Variants in CRYBG1 observed in about 807,000 individuals in gnomAD.
CRYBG1 encodes beta/gamma crystallin domain-containing protein 1.
CRYBG1 carries 139 observed loss-of-function variants against 189.2 expected under a neutral mutation model. That is an observed-to-expected ratio of 0.73 (90% CI 0.64 to 0.85). The LOEUF (loss-of-function observed/expected upper bound fraction) is 0.85. Among genes scored for constraint, CRYBG1 ranks in the 40% least tolerant of loss-of-function variants. The pLI is 0.00. For missense variants in CRYBG1, 2,611 were observed against 2,675.8 expected (o/e 0.98, Z 0.53); for synonymous variants, 1,023 against 1,017.1 (o/e 1.01, Z -0.11).
intron 3 of CRYBG1, among the ~76,000 whole-genome samples, chr6:106,517,931 G>A (rs980303714): frequency 2.6e-5 from 4 of 152,108 alleles, no homozygotes; most frequent in East Asian, 1.9e-4. Flanking sequence ...GAAATGTGAC[G>A]GAGAGAGGGG....
intron 21 of CRYBG1, among the ~76,000 whole-genome samples, chr6:106,565,755 T>G (rs187146853): frequency 4.7e-4 from 72 of 152,294 alleles, no homozygotes; most frequent in African/African-American, 1.7e-3. Context: ...GTACAACAGA[T>G]TTGTCAATAT....
In CRYBG1 at chr6:106,521,082, C is replaced by T. The variant is rs949074343; in HGVS notation, c.3874C>T (p.Pro1292Ser). ...GTCACAGCCCACGACTGAGGGTGCC[C>T]CGCCCTGTGGTTTGAACAAAGAACA... ...SVSQPTTEGAPPCGLNKEQSN... is the reference protein window; with the variant it reads ...SVSQPTTEGASPCGLNKEQSN... Residue 1292 changes from proline (P) to serine (S), a missense_variant, in exon 4 of 22, where the codon CCG (proline) becomes TCG (serine). Transcript: ENST00000633556. The T allele has an allele frequency of 1.2e-6, 2 of 1,614,064 alleles. No homozygotes were observed. Among genetic ancestry groups the T allele is most frequent in the African/African-American group, 2.7e-5 (2 of 74,916 alleles).
At chr6:106,449,863 A>G (rs796939921) in intron 1 of CRYBG1, among the ~76,000 whole-genome samples, 11 of 152,338 alleles carry the variant, frequency 7.2e-5, no homozygotes, top group African/African-American at 2.6e-4. Context: ...GAAAAACAAA[A>G]AGAAATATAT....
intron 2 of CRYBG1, among the ~76,000 whole-genome samples, chr6:106,509,673 C>T (rs1050716858): frequency 2.6e-5 from 4 of 151,890 alleles, no homozygotes; most frequent in African/African-American, 9.7e-5. Flanking sequence ...TAGTCTGTTC[C>T]TCTGGGCCGA....
intron 21 of CRYBG1, among the ~76,000 whole-genome samples, chr6:106,567,306 T>A (rs1340828072): frequency 6.6e-6 from 1 of 152,144 alleles, no homozygotes; most frequent in African/African-American, 2.4e-5. Flanking sequence ...AACTTACACA[T>A]AAAGGCCCAA....
chr6:106,414,183 G>A (rs1770980454), intron 1 of CRYBG1, among the ~76,000 whole-genome samples: 1 of 152,230 alleles, frequency 6.6e-6, no homozygotes, highest in African/African-American at 2.4e-5. Context: ...CTTTGAAAGA[G>A]TGAAAAATTA....
intron 1 of CRYBG1, among the ~76,000 whole-genome samples, chr6:106,364,354 A>G (rs1489246105): frequency 6.6e-6 from 1 of 151,978 alleles, no homozygotes; most frequent in African/African-American, 2.4e-5. Context: ...AAGAAAGAAA[A>G]GCTTGCCAGT....
chr6:106,517,344 AC>A, intron 3 of CRYBG1, among the ~76,000 whole-genome samples: 1 of 85,486 alleles, frequency 1.2e-5, no homozygotes. Flanking sequence ...ATATATATAC[AC>A]ACACATATAT....
intron 1 of CRYBG1, among the ~76,000 whole-genome samples, chr6:106,397,054 A>T (rs1770627274): frequency 6.6e-6 from 1 of 152,256 alleles, no homozygotes; most frequent in Non-Finnish European, 1.5e-5. Context: ...TGACAATTAC[A>T]TGAAGTCATA....
rs565658964 is a variant in CRYBG1, at chr6:106,412,943, TAA to T, written c.174-38732_174-38731del. On this transcript the variant is annotated intron_variant, in intron 1 of 21. Transcript: ENST00000633556. ...GTACAGAAATCCAAGACAAATTCTT[TAA>T]AAAAAAAAAAAAAAAAAAGAGCTTT... Among the ~76,000 whole-genome samples, 909 of 118,798 alleles carry T rather than the reference TAA, an allele frequency of 7.7e-3. 12 individuals are homozygous for T. Among genetic ancestry groups the T allele is most frequent in the African/African-American group, 0.024 (808 of 33,102 alleles). The allele number at this position is 118,798 out of a possible 152,430, so 77.9% of individuals were successfully genotyped here.
rs1350862841 is a variant in CRYBG1 at position 106,423,694 on chromosome 6, C to CTTTTTTTTTT, written c.174-28000_174-27999insTTTTTTTTTT. On this transcript the variant is annotated intron_variant, in intron 1 of 21. Transcript: ENST00000633556. ...CCCTCCAGTCCTCAGTTCTCCCTCC[C>CTTTTTTTTTT]CTTTTTTTTTTTTTTTTTTTTTTTT... Among the ~76,000 whole-genome samples the CTTTTTTTTTT allele has an allele frequency of 2.6e-4, 26 of 101,246 alleles. 10 individuals are homozygous for CTTTTTTTTTT. The highest frequency in any genetic ancestry group is 3.4e-4 in the African/African-American group (8 of 23,608). 66.4% of individuals were successfully genotyped at this position (101,246 alleles called of 152,430 possible).
chr6:106,461,753 G>GA (rs1772011424), intron 2 of CRYBG1, among the ~76,000 whole-genome samples: 1 of 152,110 alleles, frequency 6.6e-6, no homozygotes, highest in Admixed American at 6.6e-5. Context: ...TCTCTCTCGG[G>GA]AAAAATAGGA....
At chr6:106,423,130 T>G (rs942858515) in intron 1 of CRYBG1, among the ~76,000 whole-genome samples, 7 of 152,230 alleles carry the variant, frequency 4.6e-5, no homozygotes, top group Non-Finnish European at 8.8e-5. Context: ...GATCCCTTGA[T>G]CTACAGAAAA....
chr6:106,383,352 A>G (rs1309635726), intron 1 of CRYBG1, among the ~76,000 whole-genome samples: 1 of 152,204 alleles, frequency 6.6e-6, no homozygotes, highest in Non-Finnish European at 1.5e-5. Context: ...TGAAATCCCA[A>G]AAGGGACTTG....
intron 1 of CRYBG1, among the ~76,000 whole-genome samples, chr6:106,425,038 C>T (rs1418509068): frequency 3.3e-5 from 5 of 152,296 alleles, no homozygotes; most frequent in South Asian, 2.1e-4. Flanking sequence ...TTGCCTCCCT[C>T]GTCAGCACCA....
At chr6:106,372,311 G>T (rs1770055036) in intron 1 of CRYBG1, among the ~76,000 whole-genome samples, 1 of 152,006 alleles carries the variant, frequency 6.6e-6, no homozygotes, top group African/African-American at 2.4e-5. Flanking sequence ...GAGTGCAGTG[G>T]CACAATCTCA....
chr6:106,488,094 G>C (rs957296723), intron 2 of CRYBG1, among the ~76,000 whole-genome samples: 1 of 152,192 alleles, frequency 6.6e-6, no homozygotes, highest in Non-Finnish European at 1.5e-5. Flanking sequence ...TGCAATGCCT[G>C]TGATTAGCTC....
chr6:106,456,158 T>C (rs1771884251), intron 2 of CRYBG1, among the ~76,000 whole-genome samples: 2 of 152,240 alleles, frequency 1.3e-5, no homozygotes, highest in Admixed American at 6.5e-5. Flanking sequence ...AGCTTGTTTT[T>C]GTTTTTGTTT....
chr6:106,407,211 C>A (rs1479770723), intron 1 of CRYBG1, among the ~76,000 whole-genome samples: 1 of 151,040 alleles, frequency 6.6e-6, no homozygotes. Context: ...ATATGGAAAG[C>A]AAAAAAAAAG....
Sources: gnomAD v4.1 joint callset for allele counts (sites outside exome capture counted in the v4.1 genomes callset) on GRCh38, gnomAD v4.1.1 for gene constraint, MANE v1.5 for transcripts, NCBI Gene and HGNC (gene_info 2026-07-23, HGNC 2026-07-21) for gene names.